SRL: variants seen among roughly 807,000 people sequenced by gnomAD.
SRL encodes the protein sarcalumenin.
SRL carries 23 observed loss-of-function variants against 39.5 expected under a neutral mutation model. The ratio of observed to expected loss-of-function variants is 0.58; its 90% CI spans 0.42 to 0.82. SRL has a LOEUF of 0.82. SRL is among the 40% of genes least tolerant of loss of function. The pLI, the probability that SRL is intolerant of heterozygous loss-of-function variation, is 0.00. For synonymous variants in SRL, 272 were observed against 237.4 expected (o/e 1.15, Z -1.34); for missense variants, 592 against 607.8 (o/e 0.97, Z 0.27).
At chr16:4,228,604 G>C (rs564682626) in intron 1 of SRL, among the ~76,000 whole-genome samples, 3 of 151,734 alleles carry the variant, frequency 2.0e-5, no homozygotes, top group Non-Finnish European at 2.9e-5. Flanking sequence ...GCGTGGTGGC[G>C]GGCACCTGTA....
At chr16:4,223,551 A>T (rs1367651012) in intron 1 of SRL, among the ~76,000 whole-genome samples, 2 of 150,278 alleles carry the variant, frequency 1.3e-5, no homozygotes, top group African/African-American at 5.0e-5. Context: ...TAGGTTTTTA[A>T]ATTTTTTTTT....
At chr16:4,195,369 A>T (rs926477267) in intron 5 of SRL, among the ~76,000 whole-genome samples, 184 bp downstream of exon 5, 10 of 151,968 alleles carry the variant, frequency 6.6e-5, no homozygotes, top group African/African-American at 1.2e-4. Flanking sequence ...GCTATTGTTT[A>T]AATTTTTTTG....
intron 1 of SRL, among the ~76,000 whole-genome samples, chr16:4,214,866 C>G (rs1336066167): frequency 1.3e-5 from 2 of 151,758 alleles, no homozygotes; most frequent in Non-Finnish European, 2.9e-5. Context: ...CTCCTGGGTT[C>G]AAGCGATTCT....
chr16:4,193,424 C>A (rs934650425), intron 5 of SRL, among the ~76,000 whole-genome samples: 1 of 152,170 alleles, frequency 6.6e-6, no homozygotes, highest in Non-Finnish European at 1.5e-5. Flanking sequence ...CTAAAAGGAT[C>A]TGGGGCAATG....
At chr16:4,214,753 G>A (rs533429088) in intron 1 of SRL, among the ~76,000 whole-genome samples, 1 of 151,690 alleles carries the variant, frequency 6.6e-6, no homozygotes, top group African/African-American at 2.4e-5. Context: ...CACTGCTCAG[G>A]ACCCCTTGCT....
chr16:4,221,454 C>T (rs565715189), intron 1 of SRL, among the ~76,000 whole-genome samples: 24 of 152,300 alleles, frequency 1.6e-4, no homozygotes, highest in African/African-American at 5.3e-4. Flanking sequence ...AGGCTGAAGC[C>T]ACAGCAGGGC....
chr16:4,232,680 G>T (rs763628994), intron 1 of SRL, among the ~76,000 whole-genome samples: 2 of 152,094 alleles, frequency 1.3e-5, no homozygotes, highest in Non-Finnish European at 2.9e-5. Flanking sequence ...CTGGCTAATT[G>T]TTGTATTTTT....
intron 4 of SRL, among the ~76,000 whole-genome samples, chr16:4,196,555 C>A (rs958887300): frequency 6.7e-6 from 1 of 149,092 alleles, no homozygotes; most frequent in Admixed American, 6.7e-5. Context: ...GATCTCAGCT[C>A]ACTGCAACCT....
At chr16:4,214,243 C>T (rs945636124) in intron 1 of SRL, among the ~76,000 whole-genome samples, 4 of 152,208 alleles carry the variant, frequency 2.6e-5, no homozygotes, top group African/African-American at 9.7e-5. Context: ...AGATTCTATT[C>T]CAGCCCGTCC....
chr16:4,232,950 C>T (rs1282708199), intron 1 of SRL, among the ~76,000 whole-genome samples: 1 of 152,220 alleles, frequency 6.6e-6, no homozygotes, highest in Non-Finnish European at 1.5e-5. Context: ...CGGGACTCTC[C>T]CCTGAGCTCC....
At chr16:4,207,157 C>T (rs778056206) in intron 1 of SRL, 17 of 456,742 alleles carry the variant, frequency 3.7e-5, no homozygotes, top group South Asian at 6.2e-5. Context: ...CTAGCCCCAT[C>T]GCCGCTGTCC....
chr16:4,197,984 C>G, intron 3 of SRL, 69 bp from the exon 4 acceptor site: 1 of 1,023,524 alleles, frequency 9.8e-7, no homozygotes, highest in Non-Finnish European at 1.6e-6. Flanking sequence ...TGGCACCGTA[C>G]TCCAAAGCAT....
At chr16:4,207,956 G>A (rs2052345369) in intron 1 of SRL, 2 of 456,766 alleles carry the variant, frequency 4.4e-6, no homozygotes, top group East Asian at 1.4e-4. Context: ...TGCCATCTGG[G>A]TAGTGAAGGA....
chr16:4,225,561 G>T (rs375014685), intron 1 of SRL, among the ~76,000 whole-genome samples: 39 of 152,292 alleles, frequency 2.6e-4, no homozygotes, highest in African/African-American at 8.7e-4. Context: ...TCCAGCCGGG[G>T]TGACAGAGTG....
Position 4,217,916 on chromosome 16 carries a change from A to G in SRL, c.62-13282T>C, listed in dbSNP as rs572859485. Reference sequence around the variant, plus strand: ...TCAGTCAGGGGGCCCGGAGCCATCCATCCTTCTGCCAGGGACTCCTCCTCC... The same window carrying G: ...TCAGTCAGGGGGCCCGGAGCCATCCGTCCTTCTGCCAGGGACTCCTCCTCC... On this transcript the variant is annotated intron_variant, in intron 1 of 5. Coordinates refer to ENST00000399609, the MANE Select transcript of SRL (RefSeq NM_001098814.2). Among the ~76,000 whole-genome samples the G allele has an allele frequency of 4.6e-5, 7 of 152,118 alleles. No individual in the cohort carries two copies. In the East Asian group the frequency reaches 1.2e-3, roughly 25 times the overall value.
chr16:4,203,289 G>A (rs1172227692), intron 2 of SRL, 28 bp from the exon 3 acceptor site: 8 of 1,596,796 alleles, frequency 5.0e-6, no homozygotes, highest in Non-Finnish European at 6.9e-6. Flanking sequence ...CGGGGGAAGA[G>A]CATCACGCAG....
intron 1 of SRL, among the ~76,000 whole-genome samples, chr16:4,231,315 CA>C (rs538201272): frequency 1.9e-3 from 287 of 151,792 alleles, no homozygotes; most frequent in Non-Finnish European, 2.7e-3. Flanking sequence ...GACCCTGTCT[CA>C]AAAAAAACAA....
At chr16:4,235,213 G>C (rs1289612990) in intron 1 of SRL, among the ~76,000 whole-genome samples, 2 of 152,218 alleles carry the variant, frequency 1.3e-5, no homozygotes, top group African/African-American at 4.8e-5. Context: ...AGGTCCCTGA[G>C]AAGACAGGAC....
intron 1 of SRL, among the ~76,000 whole-genome samples, chr16:4,241,590 C>G (rs1008333032): frequency 2.0e-5 from 3 of 152,220 alleles, no homozygotes; most frequent in East Asian, 3.9e-4. Context: ...TTCTCTTACC[C>G]GAGTGGGGCC....
Sources: allele counts gnomAD v4.1 joint callset (sites outside exome capture counted in the v4.1 genomes callset), GRCh38; gene constraint gnomAD v4.1.1; transcripts MANE v1.5; gene names NCBI Gene and HGNC (gene_info 2026-07-23, HGNC 2026-07-21).